KCNT2: variants seen among roughly 807,000 people sequenced by gnomAD.
KCNT2 encodes potassium sodium-activated channel subfamily T member 2.
KCNT2 carries 67 observed loss-of-function variants against 153.8 expected under a neutral mutation model. The observed-to-expected ratio is 0.44, with a 90% CI of 0.36 to 0.53. KCNT2 has a LOEUF of 0.53. Ranked by LOEUF, KCNT2 falls within the 20% of genes least tolerant of loss-of-function variation. KCNT2 has a pLI of 0.00. For synonymous variants in KCNT2, 500 were observed against 458.8 expected (o/e 1.09, Z -1.15); for missense variants, 975 against 1,354.8 (o/e 0.72, Z 4.40).
intron 19 of KCNT2, among the ~76,000 whole-genome samples, chr1:196,324,730 C>G (rs974295385): frequency 5.9e-5 from 9 of 151,934 alleles, no homozygotes; most frequent in African/African-American, 1.7e-4. Context: ...AAAGCCACAT[C>G]TATATTTATA....
intron 16 of KCNT2, among the ~76,000 whole-genome samples, chr1:196,334,487 C>CTTTTTTTTTTTTT (rs533230418): frequency 1.1e-4 from 10 of 87,226 alleles, no homozygotes; most frequent in East Asian, 4.6e-4. Flanking sequence ...TTCTTTCTTT[C>CTTTTTTTTTTTTT]TTTTTTTTTT....
At chr1:196,264,799 T>C (rs1490913956) in intron 25 of KCNT2, among the ~76,000 whole-genome samples, 1 of 151,956 alleles carries the variant, frequency 6.6e-6, no homozygotes, top group Non-Finnish European at 1.5e-5. Flanking sequence ...GCCTGGCTAA[T>C]TTTTGTATTT....
intron 18 of KCNT2, among the ~76,000 whole-genome samples, chr1:196,328,960 G>C (rs1664165434): frequency 1.3e-5 from 2 of 152,222 alleles, no homozygotes; most frequent in South Asian, 4.1e-4. Flanking sequence ...AAGAGATCAT[G>C]CATGCAACAA....
intron 6 of KCNT2, 110 bp downstream of exon 6, chr1:196,468,884 G>A: frequency 1.4e-6 from 1 of 704,072 alleles, no homozygotes; most frequent in South Asian, 1.8e-5. Flanking sequence ...TCTAACCAAA[G>A]TCTAAATCCA....
At chr1:196,258,600 A>ACCT in intron 25 of KCNT2, 106 bp from the exon 26 acceptor site, 1 of 945,676 alleles carries the variant, frequency 1.1e-6, no homozygotes, top group Non-Finnish European at 1.6e-6. Context: ...TCTACTCAGG[A>ACCT]GAGTTTTCAC....
intron 1 of KCNT2, among the ~76,000 whole-genome samples, chr1:196,521,937 A>G (rs918970605): frequency 2.6e-5 from 4 of 152,206 alleles, no homozygotes; most frequent in Non-Finnish European, 4.4e-5. Context: ...TGTACCCCTG[A>G]ACCTAAAATA....
rs1026664852 is a variant in KCNT2 at position 196,491,153 on chromosome 1, C to A, written c.175+1109G>T. On this transcript the variant is annotated intron_variant, in intron 2 of 27. Transcript: ENST00000294725. ...TGAAGTATTCAAACAATGCATCCAC[C>A]TTTTTTGGCCTGGAAAGATAGGACT... Among the ~76,000 whole-genome samples the A allele has an allele frequency of 7.9e-5, 12 of 151,894 alleles. No individual in the cohort carries two copies. In the East Asian group the frequency reaches 1.2e-3, roughly 15 times the overall value.
At chr1:196,277,773 A>AC (rs1465883029) in intron 25 of KCNT2, among the ~76,000 whole-genome samples, 1 of 152,142 alleles carries the variant, frequency 6.6e-6, no homozygotes, top group African/African-American at 2.4e-5. Flanking sequence ...TATTTGAGAG[A>AC]CATGGTGAAC....
intron 21 of KCNT2, among the ~76,000 whole-genome samples, chr1:196,310,830 A>T (rs1383163964): frequency 6.6e-6 from 1 of 151,812 alleles, no homozygotes; most frequent in African/African-American, 2.4e-5. Context: ...TTATTCTTCA[A>T]TGATTTCCTA....
intron 1 of KCNT2, among the ~76,000 whole-genome samples, chr1:196,540,230 A>T (rs1456912686): frequency 1.3e-5 from 2 of 152,148 alleles, no homozygotes; most frequent in Non-Finnish European, 2.9e-5. Context: ...TCTTTCTCTA[A>T]CCACTGTCAA....
chr1:196,352,868 C>G (rs1045453476), intron 14 of KCNT2, among the ~76,000 whole-genome samples: 13 of 152,106 alleles, frequency 8.5e-5, no homozygotes, highest in Non-Finnish European at 1.8e-4. Context: ...CCTCTACACA[C>G]TGCTTTGAAT....
intron 22 of KCNT2, among the ~76,000 whole-genome samples, chr1:196,292,700 G>A (rs1255394816): frequency 6.6e-6 from 1 of 151,784 alleles, no homozygotes; most frequent in Non-Finnish European, 1.5e-5. Context: ...CCAGCTACTC[G>A]GGAGGCTGAG....
At chr1:196,426,064 T>A in intron 10 of KCNT2, 76 bp from the exon 11 acceptor site, 1 of 1,138,758 alleles carries the variant, frequency 8.8e-7, no homozygotes, top group Non-Finnish European at 1.3e-6. Flanking sequence ...ATAAAATATC[T>A]AAGAAAAATT....
At chr1:196,318,724 CT>C (rs1662985501) in intron 20 of KCNT2, among the ~76,000 whole-genome samples, 1 of 151,506 alleles carries the variant, frequency 6.6e-6, no homozygotes, top group Non-Finnish European at 1.5e-5. Context: ...ACTGTTTGAC[CT>C]TTAATGTATC....
At chr1:196,382,148 G>C (rs1669557927) in intron 13 of KCNT2, among the ~76,000 whole-genome samples, 1 of 137,952 alleles carries the variant, frequency 7.2e-6, no homozygotes, top group Non-Finnish European at 1.6e-5. Context: ...CCCCAGGCTG[G>C]AATGCAGTGG....
At chr1:196,240,442 T>C (rs1571759561) in intron 26 of KCNT2, among the ~76,000 whole-genome samples, 3 of 152,076 alleles carry the variant, frequency 2.0e-5, no homozygotes, top group Non-Finnish European at 1.5e-5. Context: ...ATAGTTCTTG[T>C]ACTTAGTATC....
In KCNT2 at chr1:196,258,303, T is replaced by C; in HGVS notation, c.3102A>G (p.Glu1034=). The C allele has an allele frequency of 6.2e-7, 1 of 1,614,074 alleles. No individual in the cohort carries two copies. Residue 1034 remains glutamate, a synonymous_variant, in exon 26 of 28, where the codon GAA becomes GAG. Transcript: ENST00000294725. ...KGPKHSGKTA[E]KITQQRLNLY... ...GGTTCAGTCGCTGCTGGGTTATTTT[T>C]TCAGCTGTTTTACCAGAGTGTTTTG...
At chr1:196,478,471 A>T (rs1258011050) in intron 5 of KCNT2, among the ~76,000 whole-genome samples, 1 of 152,192 alleles carries the variant, frequency 6.6e-6, no homozygotes, top group Non-Finnish European at 1.5e-5. Context: ...TTTTACATGC[A>T]AAGTCCTTCC....
At chr1:196,381,069 G>T (rs768817071) in intron 13 of KCNT2, among the ~76,000 whole-genome samples, 3 of 152,122 alleles carry the variant, frequency 2.0e-5, no homozygotes, top group Non-Finnish European at 4.4e-5. Context: ...AACCCAATTT[G>T]AGATTTGCAA....
Sources: allele counts gnomAD v4.1 joint callset (sites outside exome capture counted in the v4.1 genomes callset), GRCh38; gene constraint gnomAD v4.1.1; transcripts MANE v1.5; gene names NCBI Gene and HGNC (gene_info 2026-07-23, HGNC 2026-07-21).